Variants in M1AP observed in about 807,000 individuals in gnomAD.
The protein encoded by M1AP is meiosis 1 arrest protein.
A neutral mutation model predicts 51.2 loss-of-function variants in M1AP; 39 were observed. The ratio of observed to expected loss-of-function variants is 0.76; its 90% CI spans 0.59 to 1.00. M1AP has a LOEUF of 1.00. Among genes scored for constraint, M1AP ranks in the 50% least tolerant of loss-of-function variants. The probability of loss-of-function intolerance (pLI) is 0.00; values close to 1 mark genes in which losing one functional copy is unlikely to be tolerated. For synonymous variants in M1AP, 251 were observed against 249.2 expected, an observed-to-expected ratio of 1.01 and a Z score of -0.07; for missense variants, 545 against 641.2, an observed-to-expected ratio of 0.85 and a Z score of 1.62.
intron 5 of M1AP, among the ~76,000 whole-genome samples, chr2:74,579,776 TTC>T (rs1455769615): frequency 6.6e-6 from 1 of 152,080 alleles, no homozygotes; most frequent in Non-Finnish European, 1.5e-5. Flanking sequence ...GGGCAATGTC[TTC>T]TTTCTTTTTT....
chr2:74,576,698 C>G, intron 5 of M1AP, 80 bp from the exon 6 acceptor site: 1 of 1,487,934 alleles, frequency 6.7e-7, no homozygotes, highest in Non-Finnish European at 9.2e-7. Flanking sequence ...TTAGGCTATG[C>G]CATTAAGAGA....
chr2:74,583,905 A>C (rs1432409452), intron 4 of M1AP, among the ~76,000 whole-genome samples: 1 of 152,234 alleles, frequency 6.6e-6, no homozygotes, highest in Admixed American at 6.5e-5. Flanking sequence ...CCAGAATGAT[A>C]AAAACTCTGC....
chr2:74,611,405 C>A (rs1175683751), intron 3 of M1AP, among the ~76,000 whole-genome samples: 1 of 152,150 alleles, frequency 6.6e-6, no homozygotes, highest in African/African-American at 2.4e-5. Flanking sequence ...TCAATCTTAG[C>A]AGATTGTGTA....
At chr2:74,598,446 T>C (rs1680471885) in intron 4 of M1AP, among the ~76,000 whole-genome samples, 1 of 152,098 alleles carries the variant, frequency 6.6e-6, no homozygotes, top group South Asian at 2.1e-4. Flanking sequence ...TAACACTTTA[T>C]AATTTTAGTT....
intron 1 of M1AP, 95 bp downstream of exon 1, chr2:74,648,170 A>G (rs1406844662): frequency 3.1e-6 from 3 of 956,402 alleles, no homozygotes; most frequent in Non-Finnish European, 3.7e-6. Flanking sequence ...CTGCCTGAGG[A>G]CTGGCCCGAG....
At chr2:74,606,883 T>C (rs1315165337) in intron 4 of M1AP, among the ~76,000 whole-genome samples, 172 bp downstream of exon 4, 1 of 152,046 alleles carries the variant, frequency 6.6e-6, no homozygotes, top group Non-Finnish European at 1.5e-5. Flanking sequence ...CTCATTAAGA[T>C]TCTTTTTTTA....
chr2:74,593,383 T>C (rs995069208), intron 4 of M1AP, among the ~76,000 whole-genome samples: 3 of 152,198 alleles, frequency 2.0e-5, no homozygotes, highest in East Asian at 1.9e-4. Flanking sequence ...TTTATTCATT[T>C]ATTTATTTAT....
At chr2:74,613,503 A>G (rs982138486) in intron 3 of M1AP, among the ~76,000 whole-genome samples, 1 of 151,786 alleles carries the variant, frequency 6.6e-6, no homozygotes, top group Non-Finnish European at 1.5e-5. Context: ...TTCTCTCCCT[A>G]CTTAGGTGGG....
chr2:74,638,314 T>C (rs1573192356), intron 2 of M1AP, among the ~76,000 whole-genome samples: 1 of 152,324 alleles, frequency 6.6e-6, no homozygotes, highest in East Asian at 1.9e-4. Context: ...GGAACAATTC[T>C]AAGTCTCACC....
At chr2:74,592,636 T>G (rs1470215141) in intron 4 of M1AP, among the ~76,000 whole-genome samples, 1 of 152,172 alleles carries the variant, frequency 6.6e-6, no homozygotes, top group East Asian at 1.9e-4. Context: ...CTTTTTGCCA[T>G]GCCAAAGATT....
chr2:74,639,852 C>G (rs1258715735), intron 2 of M1AP, among the ~76,000 whole-genome samples, 184 bp downstream of exon 2: 5 of 152,202 alleles, frequency 3.3e-5, no homozygotes, highest in Non-Finnish European at 5.9e-5. Flanking sequence ...ATTTTCTCTT[C>G]AACAGTACAC....
intron 4 of M1AP, among the ~76,000 whole-genome samples, chr2:74,583,402 A>G (rs1679528263): frequency 6.6e-6 from 1 of 152,134 alleles, no homozygotes; most frequent in Non-Finnish European, 1.5e-5. Context: ...CCAAATCTGA[A>G]TGAATGGAGC....
chr2:74,573,831 C>A (rs1193299590), intron 7 of M1AP, among the ~76,000 whole-genome samples: 1 of 152,034 alleles, frequency 6.6e-6, no homozygotes, highest in African/African-American at 2.4e-5. Context: ...AATTTACATC[C>A]TCTCTAGCAG....
At position 74,609,179 on chromosome 2, in the gene M1AP, T is replaced by C. The variant is rs533713250; in HGVS notation, c.427-1956A>G. Among the ~76,000 whole-genome samples the C allele has an allele frequency of 9.9e-4, 150 of 152,260 alleles. 2 individuals are homozygous for C. Among genetic ancestry groups the C allele is most frequent in the African/African-American group, 3.5e-3 (147 of 41,550 alleles). The stretch of plus-strand genomic sequence containing the variant: ...GAACTTATTCCTCCTAATTGTAACT[T>C]TGCACCATTGGCCAACCTCTCCTCA... On this transcript the variant is annotated intron_variant, in intron 3 of 10. Coordinates refer to ENST00000421985, the MANE Select transcript of M1AP (RefSeq NM_001321739.2).
intron 4 of M1AP, among the ~76,000 whole-genome samples, chr2:74,594,439 TCA>T (rs546742625): frequency 4.3e-4 from 66 of 152,166 alleles, no homozygotes; most frequent in Admixed American, 1.2e-3. Flanking sequence ...AAGCAAAAAG[TCA>T]CAGAGTCTTG....
intron 10 of M1AP, 87 bp from the exon 11 acceptor site, chr2:74,558,961 C>G (rs1473459960): frequency 9.9e-6 from 13 of 1,310,146 alleles, no homozygotes; most frequent in Non-Finnish European, 1.3e-5. Context: ...TGTCCTAACT[C>G]TTTCCTAAGT....
At chr2:74,646,865 G>A (rs1683645357) in intron 1 of M1AP, among the ~76,000 whole-genome samples, 1 of 152,126 alleles carries the variant, frequency 6.6e-6, no homozygotes, top group Non-Finnish European at 1.5e-5. Flanking sequence ...TCAGCTTGCA[G>A]TCATTTTTCA....
intron 7 of M1AP, among the ~76,000 whole-genome samples, chr2:74,566,146 G>A (rs1678369016): frequency 6.6e-6 from 1 of 152,160 alleles, no homozygotes; most frequent in South Asian, 2.1e-4. Context: ...TGGATTCTGG[G>A]TATGATCCTA....
intron 3 of M1AP, among the ~76,000 whole-genome samples, chr2:74,611,975 G>A (rs1681393883): frequency 1.8e-5 from 2 of 111,520 alleles, no homozygotes; most frequent in Admixed American, 1.4e-4. Context: ...CTCACTGCAA[G>A]CTCCGCCTCC....
Sources: gnomAD v4.1 joint callset for allele counts (sites outside exome capture counted in the v4.1 genomes callset) on GRCh38, gnomAD v4.1.1 for gene constraint, MANE v1.5 for transcripts, NCBI Gene and HGNC (gene_info 2026-07-23, HGNC 2026-07-21) for gene names.